HMCN1: variants seen among roughly 807,000 people sequenced by gnomAD.
HMCN1 encodes the protein hemicentin-1.
A neutral mutation model predicts 625.9 loss-of-function variants in HMCN1; 321 were observed. The observed-to-expected ratio is 0.51, with a 90% CI of 0.47 to 0.56. HMCN1 has a LOEUF of 0.56. Ranked by LOEUF, HMCN1 falls within the 20% of genes least tolerant of loss-of-function variation. HMCN1 has a pLI of 0.00. For synonymous variants in HMCN1, 2,425 were observed against 2,417.6 expected (o/e 1.00, Z -0.09); for missense variants, 6,588 against 6,887.3 (o/e 0.96, Z 1.54).
intron 80 of HMCN1, among the ~76,000 whole-genome samples, 158 bp downstream of exon 80, chr1:186,120,303 G>C (rs1191309246): frequency 6.6e-6 from 1 of 152,148 alleles, no homozygotes; most frequent in Non-Finnish European, 1.5e-5. Flanking sequence ...CTTTTATGAA[G>C]AAAGTTTAAT....
chr1:185,860,800 T>C (rs1019891237), intron 2 of HMCN1, among the ~76,000 whole-genome samples: 3 of 152,196 alleles, frequency 2.0e-5, no homozygotes, highest in Non-Finnish European at 4.4e-5. Flanking sequence ...CTCTTTCCTT[T>C]GATTATTAAC....
chr1:185,902,348 A>G (rs2102435564), intron 4 of HMCN1, among the ~76,000 whole-genome samples: 1 of 151,608 alleles, frequency 6.6e-6, no homozygotes, highest in South Asian at 2.1e-4. Flanking sequence ...AAATCTGGCC[A>G]AACTATGACC....
At chr1:185,739,054 T>C (rs1009353010) in intron 1 of HMCN1, among the ~76,000 whole-genome samples, 3 of 152,176 alleles carry the variant, frequency 2.0e-5, no homozygotes, top group Non-Finnish European at 4.4e-5. Context: ...CCAGTGTCTG[T>C]TTGCCGCTTT....
At chr1:186,065,700 G>A (rs1217834721) in intron 49 of HMCN1, among the ~76,000 whole-genome samples, 2 of 152,132 alleles carry the variant, frequency 1.3e-5, no homozygotes, top group South Asian at 2.1e-4. Flanking sequence ...ATAAAGATAT[G>A]TTGGTCAAAG....
At chr1:185,851,862 A>G (rs775760927) in intron 2 of HMCN1, among the ~76,000 whole-genome samples, 1 of 152,038 alleles carries the variant, frequency 6.6e-6, no homozygotes. Flanking sequence ...TTATTTCTAC[A>G]ATAATGAGAT....
At chr1:186,166,138 T>G in intron 98 of HMCN1, 46 bp from the exon 99 acceptor site, 1 of 1,610,998 alleles carries the variant, frequency 6.2e-7, no homozygotes. Flanking sequence ...TCCCAGAAAG[T>G]AAGGATTTTA....
At chr1:186,165,292 C>T (rs146295371) in intron 98 of HMCN1, 119 bp downstream of exon 98, 2 of 905,828 alleles carry the variant, frequency 2.2e-6, no homozygotes, top group East Asian at 2.6e-5. Context: ...GTTCTGTAAA[C>T]ATCCCATTTG....
At chr1:185,831,421 A>G (rs1660854105) in intron 1 of HMCN1, among the ~76,000 whole-genome samples, 1 of 152,222 alleles carries the variant, frequency 6.6e-6, no homozygotes, top group Non-Finnish European at 1.5e-5. Flanking sequence ...TATCTGTTTC[A>G]ATCTCAAATC....
intron 58 of HMCN1, 94 bp downstream of exon 58, chr1:186,086,501 C>A: frequency 7.7e-7 from 1 of 1,304,074 alleles, no homozygotes; most frequent in South Asian, 1.2e-5. Context: ...AAACTTTTGT[C>A]GTGCTTCATT....
chr1:185,794,044 C>T (rs1229298787), intron 1 of HMCN1, among the ~76,000 whole-genome samples: 2 of 152,108 alleles, frequency 1.3e-5, no homozygotes, highest in East Asian at 3.9e-4. Context: ...GATGCTGTTA[C>T]TTGTTTTCTG....
chr1:185,986,863 A>T (rs995642445), intron 19 of HMCN1, among the ~76,000 whole-genome samples: 2 of 146,386 alleles, frequency 1.4e-5, no homozygotes, highest in Non-Finnish European at 1.5e-5. Flanking sequence ...TTAATTAAAT[A>T]AATTAAATAA....
At chr1:186,050,468 G>C (rs1490176372) in intron 42 of HMCN1, among the ~76,000 whole-genome samples, 1 of 151,834 alleles carries the variant, frequency 6.6e-6, no homozygotes, top group Admixed American at 6.6e-5. Flanking sequence ...AACTGAGAAG[G>C]AAGAGCCTAA....
chr1:185,754,828 A>G (rs1655033088), intron 1 of HMCN1, among the ~76,000 whole-genome samples: 1 of 152,238 alleles, frequency 6.6e-6, no homozygotes, highest in African/African-American at 2.4e-5. Flanking sequence ...AGCCTGGGCA[A>G]CAGAGTGAGA....
intron 39 of HMCN1, among the ~76,000 whole-genome samples, chr1:186,040,371 T>A (rs11802044): frequency 0.015 from 2,348 of 152,120 alleles, 62 homozygotes; most frequent in African/African-American, 0.055. Context: ...CCTAGAAAAA[T>A]TTTAAATGCA....
intron 4 of HMCN1, among the ~76,000 whole-genome samples, chr1:185,901,819 C>A (rs113065850): frequency 0.03 from 4,617 of 151,798 alleles, 252 homozygotes; most frequent in African/African-American, 0.11. Flanking sequence ...ACCTAAAAAC[C>A]AGATCGTAGA....
chr1:185,778,506 C>T (rs1353828714), intron 1 of HMCN1, among the ~76,000 whole-genome samples: 1 of 132,448 alleles, frequency 7.6e-6, no homozygotes, highest in African/African-American at 2.8e-5. Flanking sequence ...CGCCCCCACC[C>T]CACAACAGTC....
At chr1:185,808,220 G>A (rs188329930) in intron 1 of HMCN1, among the ~76,000 whole-genome samples, 8 of 152,128 alleles carry the variant, frequency 5.3e-5, no homozygotes, top group Non-Finnish European at 7.4e-5. Flanking sequence ...GGTGGTGTGC[G>A]CCTGTAATCC....
At position 186,175,169 on chromosome 1, in the gene HMCN1, A is replaced by C. The variant is rs558722244; in HGVS notation, c.15943+527A>C. Among the ~76,000 whole-genome samples, 3 of 152,268 alleles carry C rather than the reference A, an allele frequency of 2.0e-5. No homozygotes were observed. In the South Asian group the frequency reaches 6.2e-4, roughly 32 times the overall value. ...TCTCCCCAGTTGCCTGTTTGTTTTCATCTTAGTTATATTTGAATATGAAGG... is the reference window on the plus strand; with the variant it reads ...TCTCCCCAGTTGCCTGTTTGTTTTCCTCTTAGTTATATTTGAATATGAAGG... On this transcript the variant is annotated intron_variant, in intron 103 of 106. Coordinates refer to ENST00000271588, the MANE Select transcript of HMCN1 (RefSeq NM_031935.3).
chr1:185,881,310 G>T (rs1163755230), intron 4 of HMCN1, among the ~76,000 whole-genome samples: 2 of 152,322 alleles, frequency 1.3e-5, no homozygotes, highest in East Asian at 3.9e-4. Flanking sequence ...ATGGGAAGGG[G>T]AGCAGAAAAG....
Sources: gnomAD v4.1 joint callset for allele counts (sites outside exome capture counted in the v4.1 genomes callset) on GRCh38, gnomAD v4.1.1 for gene constraint, MANE v1.5 for transcripts, NCBI Gene and HGNC (gene_info 2026-07-23, HGNC 2026-07-21) for gene names.